Variants in EIF2B3 observed in about 807,000 individuals in gnomAD.
The protein encoded by EIF2B3 is translation initiation factor eIF2B subunit gamma.
In EIF2B3, 20 loss-of-function variants were observed where a neutral mutation model predicts 54.1. That is an observed-to-expected ratio of 0.37 (90% CI 0.26 to 0.54). The LOEUF (loss-of-function observed/expected upper bound fraction) is 0.54. Among genes scored for constraint, EIF2B3 ranks in the 20% least tolerant of loss-of-function variants. The pLI is 0.86. For missense variants in EIF2B3, 448 were observed against 547.8 expected (o/e 0.82, Z 1.82); for synonymous variants, 153 against 188.1 (o/e 0.81, Z 1.52).
chr1:44,943,564 C>T (rs536645071), intron 3 of EIF2B3, among the ~76,000 whole-genome samples: 139 of 151,522 alleles, frequency 9.2e-4, no homozygotes, highest in African/African-American at 3.1e-3. Context: ...GGACTACAGG[C>T]GTGCCCCACC....
At chr1:44,924,051 C>T (rs1033527574) in intron 5 of EIF2B3, among the ~76,000 whole-genome samples, 1 of 151,810 alleles carries the variant, frequency 6.6e-6, no homozygotes. Flanking sequence ...TGCCATTCTC[C>T]TGCCTCAGCC....
At chr1:44,868,024 T>C (rs1261651609) in intron 10 of EIF2B3, among the ~76,000 whole-genome samples, 2 of 151,970 alleles carry the variant, frequency 1.3e-5, no homozygotes, top group Non-Finnish European at 2.9e-5. Context: ...GGTGACAGAA[T>C]GAAAACTTGT....
chr1:44,925,752 C>T lies in EIF2B3; in HGVS notation c.566+876G>A, dbSNP rs555729160. 4.6e-5 allele frequency among the ~76,000 whole-genome samples: 7 copies of T among 152,048 alleles called. No homozygotes were observed. In the East Asian group the frequency reaches 5.8e-4, roughly 13 times the overall value. On this transcript the variant is annotated intron_variant, in intron 5 of 11. Transcript: ENST00000360403. ...CAGCCCAGCCAATATGGTGAAACCC[C>T]GTATCTACTAAAAATACAAAAATTA...
Position 44,892,473 on chromosome 1 carries a change from G to C in EIF2B3, c.656+4882C>G, listed in dbSNP as rs560214362. ...TGAGTGCCTGTAGTCCCAGTTACTC[G>C]GGAGGCTGAGGAGGGAGGATCACTT... is the stretch of plus-strand genomic sequence containing the variant. On this transcript the variant is annotated intron_variant, in intron 6 of 11. Transcript: ENST00000360403. 7.2e-5 allele frequency among the ~76,000 whole-genome samples: 11 copies of C among 151,954 alleles called. No homozygotes were observed. In the East Asian group the frequency reaches 9.7e-4, roughly 13 times the overall value.
intron 6 of EIF2B3, among the ~76,000 whole-genome samples, chr1:44,886,744 T>C (rs1173807882): frequency 6.6e-6 from 1 of 152,234 alleles, no homozygotes; most frequent in Non-Finnish European, 1.5e-5. Flanking sequence ...AATCCAGTTG[T>C]TTTTGTACCT....
rs1654247369 is a variant in EIF2B3 at position 44,850,882 on chromosome 1, T to TAAACAGGTGGGCCGGC, written c.*53_*68dup. 1 of 1,553,186 alleles carries TAAACAGGTGGGCCGGC rather than the reference T, an allele frequency of 6.4e-7. No homozygotes were observed. Among genetic ancestry groups the TAAACAGGTGGGCCGGC allele is most frequent in the African/African-American group, 1.4e-5 (1 of 73,588 alleles). The stretch of plus-strand genomic sequence containing the variant: ...CTTTATTGGGAAATAAATACAGAGT[T>TAAACAGGTGGGCCGGC]AAACAGGTGGGCCGGCCAACATCTG... On this transcript the variant is annotated 3_prime_UTR_variant, in exon 12 of 12. Coordinates refer to ENST00000360403, the MANE Select transcript of EIF2B3 (RefSeq NM_020365.5).
intron 3 of EIF2B3, among the ~76,000 whole-genome samples, chr1:44,966,782 T>C (rs2148957596): frequency 6.6e-6 from 1 of 152,218 alleles, no homozygotes; most frequent in African/African-American, 2.4e-5. Context: ...TGAAAGCACA[T>C]ATAAGAAAGA....
intron 3 of EIF2B3, among the ~76,000 whole-genome samples, chr1:44,974,136 A>C (rs945872269): frequency 7.2e-5 from 11 of 151,996 alleles, no homozygotes; most frequent in African/African-American, 2.7e-4. Flanking sequence ...ATGCCTATAT[A>C]CATTGTACTG....
intron 5 of EIF2B3, among the ~76,000 whole-genome samples, chr1:44,911,036 C>G (rs981214388): frequency 6.6e-6 from 1 of 152,076 alleles, no homozygotes; most frequent in Non-Finnish European, 1.5e-5. Flanking sequence ...AAGGCCGTAT[C>G]CAAGATAACT....
intron 10 of EIF2B3, among the ~76,000 whole-genome samples, chr1:44,873,107 T>A (rs1223680500): frequency 6.6e-6 from 1 of 152,264 alleles, no homozygotes; most frequent in Non-Finnish European, 1.5e-5. Flanking sequence ...CGCTTATTTT[T>A]TCCTTTGGAG....
chr1:44,979,666 C>A (rs1644492800), intron 2 of EIF2B3, among the ~76,000 whole-genome samples: 1 of 150,768 alleles, frequency 6.6e-6, no homozygotes. Flanking sequence ...CTCTAAAAAA[C>A]AAAAAAACCA....
intron 3 of EIF2B3, among the ~76,000 whole-genome samples, chr1:44,964,214 T>C (rs1644313931): frequency 6.6e-6 from 1 of 151,552 alleles, no homozygotes; most frequent in South Asian, 2.1e-4. Flanking sequence ...ACGCCACCAG[T>C]AGACTCCAGG....
intron 10 of EIF2B3, chr1:44,874,431 C>A: frequency 4.0e-6 from 2 of 504,490 alleles, no homozygotes; most frequent in South Asian, 2.4e-5. Flanking sequence ...ATTCTTTTTG[C>A]CCTTTTTCTG....
At chr1:44,853,696 A>G (rs745924009) in intron 11 of EIF2B3, among the ~76,000 whole-genome samples, 22 of 152,172 alleles carry the variant, frequency 1.4e-4, no homozygotes, top group Non-Finnish European at 2.8e-4. Context: ...TTTGGGCTGG[A>G]ATCAGGTTGG....
chr1:44,936,370 A>G (rs1178041292), intron 4 of EIF2B3, among the ~76,000 whole-genome samples: 3 of 151,786 alleles, frequency 2.0e-5, no homozygotes, highest in Non-Finnish European at 4.4e-5. Flanking sequence ...ACTTGAGGTC[A>G]GGAGTTCAAA....
chr1:44,953,574 C>A (rs553233008), intron 3 of EIF2B3, among the ~76,000 whole-genome samples: 1 of 152,206 alleles, frequency 6.6e-6, no homozygotes, highest in South Asian at 2.1e-4. Flanking sequence ...CCCAGGAGTT[C>A]GAGATCAGCC....
At chr1:44,970,549 G>GA (rs1644389470) in intron 3 of EIF2B3, among the ~76,000 whole-genome samples, 1 of 152,150 alleles carries the variant, frequency 6.6e-6, no homozygotes, top group African/African-American at 2.4e-5. Context: ...CACACGGGAA[G>GA]AAAAAACATG....
At chr1:44,946,310 C>T (rs1644101388) in intron 3 of EIF2B3, among the ~76,000 whole-genome samples, 1 of 152,168 alleles carries the variant, frequency 6.6e-6, no homozygotes, top group Admixed American at 6.5e-5. Flanking sequence ...TCACTGAGAC[C>T]AAACACATCT....
intron 3 of EIF2B3, among the ~76,000 whole-genome samples, chr1:44,971,133 C>T (rs1327217808): frequency 6.6e-6 from 1 of 152,158 alleles, no homozygotes; most frequent in African/African-American, 2.4e-5. Flanking sequence ...CCTATAATCC[C>T]AGCACTTTGG....
Sources: allele counts gnomAD v4.1 joint callset (sites outside exome capture counted in the v4.1 genomes callset), GRCh38; gene constraint gnomAD v4.1.1; transcripts MANE v1.5; gene names NCBI Gene and HGNC (gene_info 2026-07-23, HGNC 2026-07-21).